Variants in BAG3 observed in about 807,000 individuals in gnomAD.
The protein encoded by BAG3 is BAG family molecular chaperone regulator 3.
In BAG3, 14 loss-of-function variants were observed where a neutral mutation model predicts 40.5. That is an observed-to-expected ratio of 0.35 (90% CI 0.23 to 0.54). The LOEUF (loss-of-function observed/expected upper bound fraction) is 0.54. Ranked by LOEUF, BAG3 falls within the 20% of genes least tolerant of loss-of-function variation. The probability of loss-of-function intolerance (pLI) is 0.91; values close to 1 mark genes in which losing one functional copy is unlikely to be tolerated. For missense variants in BAG3, 788 were observed against 758.6 expected (o/e 1.04, Z -0.46); for synonymous variants, 302 against 307.8 (o/e 0.98, Z 0.20).
At chr10:119,665,141 T>TTTTCC (rs770421648) in intron 1 of BAG3, among the ~76,000 whole-genome samples, 23 of 85,914 alleles carry the variant, frequency 2.7e-4, no homozygotes, top group South Asian at 7.2e-4. Context: ...TATATATATA[T>TTTTCC]ATATTTTTTT....
In BAG3 at chr10:119,676,983, C is replaced by T. The variant is rs775645671; in HGVS notation, c.1429C>T (p.Arg477Cys). The part of the protein sequence containing the change: ...SVDPEGRADV[R>C]QARRDGVRKV... ...GGACCCCGAGGGACGAGCCGATGTG[C>T]GTCAGGCCAGGAGAGACGGTGTCAG... The change falls in exon 4 of 4, where the codon CGT becomes TGT. Residue 477 changes from arginine to cysteine, a missense_variant. Transcript: ENST00000369085. 2.5e-6 allele frequency: 4 copies of T among 1,614,152 alleles called. No individual in the cohort carries two copies. Among genetic ancestry groups the T allele is most frequent in the Admixed American group, 1.7e-5 (1 of 60,014 alleles).
Position 119,670,465 on chromosome 10 carries a change from C to T in BAG3, c.507+288C>T, listed in dbSNP as rs115988307. Among the ~76,000 whole-genome samples, 32 of 152,364 alleles carry T rather than the reference C, an allele frequency of 2.1e-4. 1 individual carries two copies. The highest frequency in any genetic ancestry group is 7.5e-4 in the African/African-American group (31 of 41,588). On this transcript the variant is annotated intron_variant, in intron 2 of 3. Transcript: ENST00000369085. ...AGGGCACACTGCAGCCTGCCTGCTCCAGATGCACACAGGTGGAGGGAGCAG... is the reference window on the plus strand; with the variant it reads ...AGGGCACACTGCAGCCTGCCTGCTCTAGATGCACACAGGTGGAGGGAGCAG...
chr10:119,676,243 G>A (rs1847232524), intron 3 of BAG3, among the ~76,000 whole-genome samples: 1 of 151,904 alleles, frequency 6.6e-6, no homozygotes, highest in Admixed American at 6.6e-5. Context: ...AAATAGCCTG[G>A]GGTGATCAAT....
At chr10:119,671,972 A>C (rs552222155) in intron 2 of BAG3, among the ~76,000 whole-genome samples, 2 of 152,266 alleles carry the variant, frequency 1.3e-5, no homozygotes, top group South Asian at 4.1e-4. Flanking sequence ...TATTTTTGGT[A>C]GAGATGGGGT....
At chr10:119,652,719 G>C (rs898435494) in intron 1 of BAG3, among the ~76,000 whole-genome samples, 2 of 152,140 alleles carry the variant, frequency 1.3e-5, no homozygotes, top group African/African-American at 4.8e-5. Flanking sequence ...CTTAGGATTT[G>C]TTACCAGTAC....
In BAG3 at chr10:119,676,639, T is replaced by C. The variant is rs200812717; in HGVS notation, c.1085T>C (p.Val362Ala). 2.5e-6 allele frequency: 4 copies of C among 1,613,972 alleles called. No individual in the cohort carries two copies. In the Admixed American group the frequency reaches 6.7e-5, roughly 27 times the overall value. ...SQKPPPPSEK[V>A]EVKVPPAPVP... ...AAGCCCCCACCTCCCTCTGAGAAGG[T>C]AGAGGTGAAAGTTCCCCCTGCTCCA... Residue 362 changes from valine to alanine, a missense_variant, in exon 4 of 4, where the codon GTA (valine) becomes GCA (alanine). Val to Ala is a moderately conservative substitution (Grantham distance 64). Coordinates refer to ENST00000369085, the MANE Select transcript of BAG3 (RefSeq NM_004281.4).
intron 1 of BAG3, among the ~76,000 whole-genome samples, chr10:119,662,844 C>T (rs1466433115): frequency 6.6e-6 from 1 of 152,182 alleles, no homozygotes; most frequent in Non-Finnish European, 1.5e-5. Flanking sequence ...GAAACCCCGT[C>T]TCTACTAAAA....
At chr10:119,655,360 C>G (rs534943632) in intron 1 of BAG3, among the ~76,000 whole-genome samples, 8 of 152,158 alleles carry the variant, frequency 5.3e-5, no homozygotes, top group Non-Finnish European at 8.8e-5. Context: ...TTCTTTTTGT[C>G]TTGCCCATCT....
At chr10:119,666,369 C>T (rs1039180976) in intron 1 of BAG3, among the ~76,000 whole-genome samples, 4 of 152,208 alleles carry the variant, frequency 2.6e-5, no homozygotes, top group Non-Finnish European at 5.9e-5. Context: ...ACCACTGCCC[C>T]TGCCTGCAGT....
At chr10:119,661,041 C>T (rs1031394098) in intron 1 of BAG3, among the ~76,000 whole-genome samples, 1 of 148,254 alleles carries the variant, frequency 6.7e-6, no homozygotes. Flanking sequence ...TGTGGTGAGC[C>T]GAGATCATGC....
chr10:119,653,295 GGTGAAACTGACACTCATTTCA>G (rs909927419), intron 1 of BAG3, among the ~76,000 whole-genome samples: 2 of 152,158 alleles, frequency 1.3e-5, no homozygotes, highest in Non-Finnish European at 1.5e-5. Flanking sequence ...CCCATTTTTG[GGTGAAACTGACACTCATTTCA>G]AACCACCTTT....
At chr10:119,654,155 C>G (rs1261547005) in intron 1 of BAG3, among the ~76,000 whole-genome samples, 1 of 152,212 alleles carries the variant, frequency 6.6e-6, no homozygotes, top group Non-Finnish European at 1.5e-5. Flanking sequence ...TTACACCTTA[C>G]TGGAGACTAA....
In BAG3 at chr10:119,677,093, C is replaced by G; in HGVS notation, c.1539C>G (p.Ser513Arg). ...GQVQVYELQPSNLEADQPLQA... is the reference protein window; with the variant it reads ...GQVQVYELQPRNLEADQPLQA... ...TCCAGGTCTATGAACTCCAGCCCAG[C>G]AACCTTGAAGCAGATCAGCCACTGC... Residue 513 changes from serine (S) to arginine (R), a missense_variant, in exon 4 of 4, where the codon AGC becomes AGG. Coordinates refer to ENST00000369085, the MANE Select transcript of BAG3 (RefSeq NM_004281.4). 1 of 1,614,170 alleles carries G rather than the reference C, an allele frequency of 6.2e-7. No homozygotes were observed. Among genetic ancestry groups the G allele is most frequent in the Admixed American group, 1.7e-5 (1 of 60,018 alleles).
Position 119,677,121 on chromosome 10 carries a change from G to A in BAG3, c.1567G>A (p.Ala523Thr), listed in dbSNP as rs759058143. 1.6e-5 allele frequency: 26 copies of A among 1,614,018 alleles called. 1 individual carries two copies. The South Asian group carries it at 2.6e-4, about 16-fold the overall frequency. The change falls in exon 4 of 4, where the codon GCA (alanine) becomes ACA (threonine). Residue 523 changes from alanine to threonine, a missense_variant. Physicochemically the swap from Ala to Thr is moderately conservative, Grantham distance 58. Transcript: ENST00000369085. ...SNLEADQPLQ[A>T]IMEMGAVAAD... is the part of the protein sequence containing the mutation. ...CCTTGAAGCAGATCAGCCACTGCAG[G>A]CAATCATGGAGATGGGTGCCGTGGC... is the stretch of plus-strand genomic sequence containing the variant.
Position 119,651,729 on chromosome 10 carries a change from C to A in BAG3, c.54C>A (p.Asp18Glu), listed in dbSNP as rs866659159. 6.3e-7 allele frequency: 1 copy of A among 1,598,018 alleles called. No homozygotes were observed. The highest frequency in any genetic ancestry group is 1.7e-4 in the Middle Eastern group (1 of 6,026). ...TGCAGGTGGCGTCCGGCAACGGTGA[C>A]CGCGACCCTTTGCCCCCCGGATGGG... The part of the protein sequence containing the change: ...PMMQVASGNG[D>E]RDPLPPGWEI... The change falls in exon 1 of 4, where the codon GAC becomes GAA. Residue 18 changes from aspartate (D) to glutamate (E), a missense_variant. Asp to Glu is a conservative substitution (Grantham distance 45, BLOSUM62 2). Transcript: ENST00000369085.
At chr10:119,675,894 T>TTCCC (rs1564776167) in intron 3 of BAG3, among the ~76,000 whole-genome samples, 1 of 21,910 alleles carries the variant, frequency 4.6e-5, no homozygotes, top group Non-Finnish European at 9.5e-5. Context: ...CCTTCCTTCC[T>TTCCC]TCCTTCCCCC....
At chr10:119,675,802 T>C (rs1484192564) in intron 3 of BAG3, among the ~76,000 whole-genome samples, 1 of 26,108 alleles carries the variant, frequency 3.8e-5, no homozygotes, top group African/African-American at 1.5e-4. Flanking sequence ...CCCCTTCCCC[T>C]TCCCCCCTTC....
chr10:119,676,400 CT>C, intron 3 of BAG3, 63 bp from the exon 4 acceptor site: 1 of 1,564,720 alleles, frequency 6.4e-7, no homozygotes, highest in Non-Finnish European at 8.8e-7. Flanking sequence ...TCTGTACTAG[CT>C]ACAAACAATT....
At chr10:119,655,773 G>C (rs1422200027) in intron 1 of BAG3, among the ~76,000 whole-genome samples, 3 of 152,140 alleles carry the variant, frequency 2.0e-5, no homozygotes, top group Non-Finnish European at 4.4e-5. Context: ...CCCCTCTGAA[G>C]AACAGCCTGT....
Sources: gnomAD v4.1 joint callset for allele counts (sites outside exome capture counted in the v4.1 genomes callset) on GRCh38, gnomAD v4.1.1 for gene constraint, MANE v1.5 for transcripts, NCBI Gene and HGNC (gene_info 2026-07-23, HGNC 2026-07-21) for gene names.